Variants in FOXN2 observed in about 807,000 individuals in gnomAD.
FOXN2 encodes the protein forkhead box N2.
Under a neutral mutation model 41.2 loss-of-function variants are expected in FOXN2, and 19 were observed. The observed-to-expected ratio is 0.46, with a 90% CI of 0.32 to 0.68. The LOEUF (loss-of-function observed/expected upper bound fraction) is 0.68, where lower values mean the gene tolerates loss of function less well. Among genes scored for constraint, FOXN2 ranks in the 30% least tolerant of loss-of-function variants. FOXN2 has a pLI of 0.03. For missense variants in FOXN2, 587 were observed against 509.4 expected (o/e 1.15, Z -1.47); for synonymous variants, 195 against 176.8 (o/e 1.10, Z -0.82).
chr2:48,356,764 C>G (rs1269871357), intron 3 of FOXN2, among the ~76,000 whole-genome samples: 1 of 152,190 alleles, frequency 6.6e-6, no homozygotes, highest in Non-Finnish European at 1.5e-5. Context: ...TTCTCCCAAT[C>G]TAGTCTTTAC....
In FOXN2 at chr2:48,375,506, A is replaced by G. The variant is rs1362836212; in HGVS notation, c.*63A>G. 2 of 1,419,418 alleles carry G rather than the reference A, an allele frequency of 1.4e-6. No homozygotes were observed. The highest frequency in any genetic ancestry group is 2.9e-5 in the African/African-American group (2 of 69,864). The allele number at this position is 1,419,418 out of a possible 1,614,324, so 87.9% of individuals were successfully genotyped here. ...CTTTACAAGGGATATCAAAGCCATAATGGACTTCATTAGTTTTAGGGTAGG... is the reference window on the plus strand; with the variant it reads ...CTTTACAAGGGATATCAAAGCCATAGTGGACTTCATTAGTTTTAGGGTAGG... On this transcript the variant is annotated 3_prime_UTR_variant, in exon 7 of 7. Transcript: ENST00000340553.
chr2:48,333,205 T>C (rs1487880919), intron 2 of FOXN2, among the ~76,000 whole-genome samples: 2 of 152,118 alleles, frequency 1.3e-5, no homozygotes, highest in East Asian at 3.9e-4. Context: ...AAGTTTCTGA[T>C]TTGAAGCCTC....
chr2:48,322,138 G>A (rs1270892003), intron 1 of FOXN2, among the ~76,000 whole-genome samples: 2 of 152,090 alleles, frequency 1.3e-5, no homozygotes, highest in Non-Finnish European at 2.9e-5. Context: ...AGTAGAGATG[G>A]GGTTTCACCG....
rs566022531 is a variant in FOXN2, at chr2:48,358,714, TAA to T, written c.538-331_538-330del. Among the ~76,000 whole-genome samples the T allele has an allele frequency of 7.2e-5, 11 of 152,322 alleles. 1 individual carries two copies. In the South Asian group the frequency reaches 2.3e-3, roughly 32 times the overall value. On this transcript the variant is annotated intron_variant, in intron 3 of 6. Transcript: ENST00000340553. ...AAGGAGTATGAGAATGGGAAACAAG[TAA>T]ATTTTGTTGTTATCTAAATAATTGT...
rs972186594 is a variant in FOXN2, at chr2:48,327,637, G to C, written c.-156-924G>C. Among the ~76,000 whole-genome samples the C allele has an allele frequency of 1.1e-4, 17 of 152,210 alleles. 1 individual carries two copies. The highest frequency in any genetic ancestry group is 3.9e-4 in the African/African-American group (16 of 41,518). ...ATTTTGTATTTTTAGTAGAGACGGT[G>C]TTTCTCCGTGTTGGTCAGGCTGGTC... On this transcript the variant is annotated intron_variant, in intron 1 of 6. Transcript: ENST00000340553.
At position 48,322,007 on chromosome 2, in the gene FOXN2, G is replaced by A. The variant is rs186178654; in HGVS notation, c.-156-6554G>A. ...TTTGTTGCCCAGCCTGGAGCACAGT[G>A]GCGTGATCTCGGCTTATTGCAATCT... On this transcript the variant is annotated intron_variant, in intron 1 of 6. Transcript: ENST00000340553. Among the ~76,000 whole-genome samples the A allele has an allele frequency of 2.3e-4, 35 of 152,294 alleles. 1 individual carries two copies. In the East Asian group the frequency reaches 2.7e-3, roughly 12 times the overall value.
intron 5 of FOXN2, among the ~76,000 whole-genome samples, chr2:48,369,511 C>A (rs1176070746): frequency 1.3e-5 from 2 of 152,038 alleles, no homozygotes; most frequent in Admixed American, 1.3e-4. Context: ...GCACTCCAGC[C>A]TGGACGACAA....
intron 1 of FOXN2, among the ~76,000 whole-genome samples, chr2:48,324,691 A>G (rs529371739): frequency 1.1e-4 from 17 of 152,086 alleles, no homozygotes; most frequent in African/African-American, 4.1e-4. Context: ...ATTGTTTTCT[A>G]TTTTCTTTCT....
At chr2:48,325,163 C>G (rs1669578723) in intron 1 of FOXN2, among the ~76,000 whole-genome samples, 1 of 152,120 alleles carries the variant, frequency 6.6e-6, no homozygotes, top group Non-Finnish European at 1.5e-5. Context: ...GGATGTCAGG[C>G]TAGTGTAGCA....
chr2:48,351,835 G>T (rs1232917356), intron 3 of FOXN2, among the ~76,000 whole-genome samples: 1 of 152,078 alleles, frequency 6.6e-6, no homozygotes, highest in Non-Finnish European at 1.5e-5. Context: ...AAAAGATTTG[G>T]GAAATTTTTA....
chr2:48,316,659 G>A (rs1460506016), intron 1 of FOXN2, among the ~76,000 whole-genome samples: 1 of 152,196 alleles, frequency 6.6e-6, no homozygotes. Flanking sequence ...ATATATAAAA[G>A]TAGAAGGTCA....
chr2:48,338,240 C>T (rs1213476951), intron 2 of FOXN2, among the ~76,000 whole-genome samples: 1 of 152,148 alleles, frequency 6.6e-6, no homozygotes, highest in Non-Finnish European at 1.5e-5. Context: ...TTGGCCTGTT[C>T]TTTAGTAGGA....
intron 1 of FOXN2, among the ~76,000 whole-genome samples, chr2:48,328,097 A>G (rs1238734249): frequency 6.6e-6 from 1 of 152,272 alleles, no homozygotes; most frequent in Non-Finnish European, 1.5e-5. Flanking sequence ...ACTATGACTT[A>G]TATTCAAGGC....
chr2:48,351,963 C>T (rs1248666838), intron 3 of FOXN2, among the ~76,000 whole-genome samples: 4 of 152,100 alleles, frequency 2.6e-5, no homozygotes, highest in Non-Finnish European at 5.9e-5. Context: ...GGCATATTCT[C>T]TGTTGGTGAG....
intron 2 of FOXN2, among the ~76,000 whole-genome samples, chr2:48,335,980 A>G (rs1233930608): frequency 6.6e-6 from 1 of 151,858 alleles, no homozygotes; most frequent in South Asian, 2.1e-4. Flanking sequence ...GTGAGTGAAC[A>G]TCGCACCACC....
At position 48,361,644 on chromosome 2, in the gene FOXN2, A is replaced by AGT. The variant is rs1295415194; in HGVS notation, c.639-997_639-996dup. ...AAGAATTTGTAAGTCTGAGGAAAAG[A>AGT]GTGAGATACAGTATATGTAAAACTA... On this transcript the variant is annotated intron_variant, in intron 4 of 6. Coordinates refer to ENST00000340553, the MANE Select transcript of FOXN2 (RefSeq NM_002158.4). 2.0e-5 allele frequency among the ~76,000 whole-genome samples: 3 copies of AGT among 152,286 alleles called. No homozygotes were observed. In the East Asian group the frequency reaches 5.8e-4, roughly 29 times the overall value.
chr2:48,331,966 T>G (rs1395825697), intron 2 of FOXN2, among the ~76,000 whole-genome samples: 1 of 152,136 alleles, frequency 6.6e-6, no homozygotes, highest in Non-Finnish European at 1.5e-5. Context: ...ATTTATATAT[T>G]TTTCTCAGAT....
At chr2:48,321,759 A>T (rs752582606) in intron 1 of FOXN2, among the ~76,000 whole-genome samples, 1 of 152,184 alleles carries the variant, frequency 6.6e-6, no homozygotes, top group African/African-American at 2.4e-5. Context: ...ATTTTAGTAC[A>T]TTATACATGG....
chr2:48,367,990 G>A lies in FOXN2; in HGVS notation c.703+5283G>A, dbSNP rs148854240. The stretch of plus-strand genomic sequence containing the variant: ...CCCAAGTAGCTGGGATTGCAGACGC[G>A]TATGACCTCACCCGGCTAATTTTTG... On this transcript the variant is annotated intron_variant, in intron 5 of 6. Coordinates refer to ENST00000340553, the MANE Select transcript of FOXN2 (RefSeq NM_002158.4). Among the ~76,000 whole-genome samples, 178 of 152,230 alleles carry A rather than the reference G, an allele frequency of 1.2e-3. 1 individual carries two copies. Among genetic ancestry groups the A allele is most frequent in the African/African-American group, 3.6e-3 (151 of 41,554 alleles).
Sources: gnomAD v4.1 joint callset for allele counts (sites outside exome capture counted in the v4.1 genomes callset) on GRCh38, gnomAD v4.1.1 for gene constraint, MANE v1.5 for transcripts, NCBI Gene and HGNC (gene_info 2026-07-23, HGNC 2026-07-21) for gene names.